Variants in NYAP2 observed in about 807,000 individuals in gnomAD.
NYAP2 encodes the protein neuronal tyrosine-phosphorylated phosphoinositide-3-kinase adaptor 2.
In NYAP2, 23 loss-of-function variants were observed where a neutral mutation model predicts 50.4. That is an observed-to-expected ratio of 0.46 (90% CI 0.33 to 0.65). NYAP2 has a LOEUF of 0.65. NYAP2 is among the 30% of genes least tolerant of loss of function. NYAP2 has a pLI of 0.02. For synonymous variants in NYAP2, 394 were observed against 365.2 expected (o/e 1.08, Z -0.90); for missense variants, 885 against 861.0 (o/e 1.03, Z -0.35).
At chr2:225,618,762 C>A (rs577924229) in intron 5 of NYAP2, among the ~76,000 whole-genome samples, 6 of 152,272 alleles carry the variant, frequency 3.9e-5, no homozygotes, top group African/African-American at 1.2e-4. Context: ...TGTCTTAACC[C>A]AAAGCATTGG....
chr2:225,698,819 T>C, the NYAP2 span: 1 of 151,986 alleles, frequency 6.6e-6, no homozygotes. Context: ...TATACGTATA[T>C]AAATTACAGA....
intron 5 of NYAP2, among the ~76,000 whole-genome samples, chr2:225,584,899 T>A (rs1411768685): frequency 6.6e-6 from 1 of 152,240 alleles, no homozygotes; most frequent in African/African-American, 2.4e-5. Context: ...AGAGCAGTTG[T>A]CAACTAGGGC....
At chr2:225,595,539 A>G (rs573462849) in intron 5 of NYAP2, among the ~76,000 whole-genome samples, 1 of 152,348 alleles carries the variant, frequency 6.6e-6, no homozygotes, top group East Asian at 1.9e-4. Context: ...ATGACAAGAG[A>G]TATGTGTCAA....
chr2:225,544,043 T>TATA (rs1691523310), intron 4 of NYAP2, among the ~76,000 whole-genome samples: 1 of 152,116 alleles, frequency 6.6e-6, no homozygotes, highest in African/African-American at 2.4e-5. Flanking sequence ...GTTTTTGTCT[T>TATA]GAAATCTATA....
chr2:225,669,239 CTCTT>C, the NYAP2 span, among the ~76,000 whole-genome samples: 4 of 151,974 alleles, frequency 2.6e-5, no homozygotes, highest in African/African-American at 9.7e-5. Flanking sequence ...ATGACTCTAT[CTCTT>C]TCTTTTTACA....
chr2:225,632,146 T>C (rs1428761453), intron 6 of NYAP2, among the ~76,000 whole-genome samples: 2 of 152,212 alleles, frequency 1.3e-5, no homozygotes, highest in Admixed American at 6.5e-5. Flanking sequence ...TGAATATTCA[T>C]CAATGAGATG....
Position 225,433,816 on chromosome 2 carries a change from CAAAAAAAAAAAAA to C in NYAP2, c.221+24727_221+24739del, listed in dbSNP as rs35886164. Among the ~76,000 whole-genome samples the C allele has an allele frequency of 6.0e-3, 377 of 62,504 alleles. 2 individuals carry two copies. Among genetic ancestry groups the C allele is most frequent in the African/African-American group, 0.026 (352 of 13,426 alleles). 41.0% of individuals were successfully genotyped at this position (62,504 alleles called of 152,430 possible). A position where few individuals can be genotyped will look rare whatever the true frequency, so the allele number is the denominator to read the frequency against. The stretch of plus-strand genomic sequence containing the variant: ...TGGGCGACAGAGCGAGACTCCGTCT[CAAAAAAAAAAAAA>C]AAAAAAAAAAAGAATTATTAGAGTC... On this transcript the variant is annotated intron_variant, in intron 3 of 6. Transcript: ENST00000636099.
chr2:225,587,757 A>G (rs1012168839), intron 5 of NYAP2, among the ~76,000 whole-genome samples: 19 of 151,940 alleles, frequency 1.3e-4, no homozygotes, highest in African/African-American at 4.4e-4. Context: ...AGAAGCAGGG[A>G]TGAAAATGAA....
chr2:225,656,952 A>G (rs1437666643), downstream of NYAP2, among the ~76,000 whole-genome samples: 1 of 152,162 alleles, frequency 6.6e-6, no homozygotes. Flanking sequence ...TTTCCAAAGC[A>G]GGGTCTGTGA....
chr2:225,416,581 G>A (rs960914267), intron 3 of NYAP2, among the ~76,000 whole-genome samples: 22 of 151,854 alleles, frequency 1.4e-4, no homozygotes, highest in African/African-American at 5.1e-4. Context: ...GACAATCCTG[G>A]GTTTTTCATC....
At chr2:225,430,109 C>T (rs998389021) in intron 3 of NYAP2, among the ~76,000 whole-genome samples, 2 of 152,152 alleles carry the variant, frequency 1.3e-5, no homozygotes, top group African/African-American at 4.8e-5. Context: ...CTCTTCCTCT[C>T]TTCTTCTTTG....
chr2:225,514,236 C>G (rs1690887503), intron 4 of NYAP2, among the ~76,000 whole-genome samples: 1 of 152,198 alleles, frequency 6.6e-6, no homozygotes, highest in African/African-American at 2.4e-5. Flanking sequence ...AGCCTCCTTG[C>G]TGGTCTATGA....
intron 3 of NYAP2, among the ~76,000 whole-genome samples, chr2:225,455,176 T>C (rs1490989961): frequency 6.6e-6 from 1 of 152,200 alleles, no homozygotes; most frequent in Non-Finnish European, 1.5e-5. Flanking sequence ...ATCTTTATTT[T>C]AGCCAGTTAG....
intron 3 of NYAP2, among the ~76,000 whole-genome samples, chr2:225,460,858 T>C (rs1040874080): frequency 1.3e-4 from 20 of 151,952 alleles, no homozygotes; most frequent in Admixed American, 1.2e-3. Flanking sequence ...CCGGGCATGG[T>C]GGCAGGCACC....
At chr2:225,454,050 G>A (rs936751788) in intron 3 of NYAP2, among the ~76,000 whole-genome samples, 9 of 152,002 alleles carry the variant, frequency 5.9e-5, no homozygotes, top group African/African-American at 2.2e-4. Context: ...AGGAGTGGTG[G>A]CTCTTGCCTA....
intron 3 of NYAP2, among the ~76,000 whole-genome samples, chr2:225,499,263 A>G (rs1690558736): frequency 6.6e-6 from 1 of 152,178 alleles, no homozygotes; most frequent in South Asian, 2.1e-4. Flanking sequence ...GGTATTGAGA[A>G]GAATCTAGAG....
intron 4 of NYAP2, among the ~76,000 whole-genome samples, chr2:225,576,076 G>A (rs1180177083): frequency 6.6e-6 from 1 of 152,224 alleles, no homozygotes; most frequent in Non-Finnish European, 1.5e-5. Flanking sequence ...TAGCAAAAGT[G>A]AGTGTAAATA....
chr2:225,635,695 G>A (rs902429558), intron 6 of NYAP2, among the ~76,000 whole-genome samples: 2 of 152,146 alleles, frequency 1.3e-5, no homozygotes, highest in East Asian at 3.9e-4. Context: ...AAGATTTGTG[G>A]CCAGTGTGAT....
rs528527890 is a variant in NYAP2 at position 225,419,197 on chromosome 2, A to G, written c.221+10096A>G. Reference sequence around the variant, plus strand: ...CAGAGATGACAGTCACAAATCCTGTAATACAAGAAGGAAGATAAAAGGCAG... The same window carrying G: ...CAGAGATGACAGTCACAAATCCTGTGATACAAGAAGGAAGATAAAAGGCAG... On this transcript the variant is annotated intron_variant, in intron 3 of 6. Transcript: ENST00000636099. 1.8e-3 allele frequency among the ~76,000 whole-genome samples: 270 copies of G among 152,342 alleles called. 1 individual carries two copies. The highest frequency in any genetic ancestry group is 2.8e-3 in the Non-Finnish European group (189 of 68,028).
Sources: allele counts gnomAD v4.1 joint callset (sites outside exome capture counted in the v4.1 genomes callset), GRCh38; gene constraint gnomAD v4.1.1; transcripts MANE v1.5; gene names NCBI Gene and HGNC (gene_info 2026-07-23, HGNC 2026-07-21).